GPR149: variants seen among roughly 807,000 people sequenced by gnomAD.
GPR149 encodes G protein-coupled receptor 149.
A neutral mutation model predicts 50.2 loss-of-function variants in GPR149; 50 were observed. That is an observed-to-expected ratio of 1.00 (90% CI 0.79 to 1.26). The LOEUF (loss-of-function observed/expected upper bound fraction) is 1.26, where lower values mean the gene tolerates loss of function less well. GPR149 is among the 50% of genes most tolerant of loss of function. GPR149 has a pLI of 0.00. For synonymous variants in GPR149, 405 were observed against 358.2 expected, an observed-to-expected ratio of 1.13 and a Z score of -1.48; for missense variants, 983 against 895.4, an observed-to-expected ratio of 1.10 and a Z score of -1.25.
chr3:154,355,436 A>T lies in GPR149; in HGVS notation c.1624-17165T>A, dbSNP rs192906398. Among the ~76,000 whole-genome samples the T allele has an allele frequency of 2.1e-4, 32 of 152,272 alleles. No individual in the cohort carries two copies. The East Asian group carries it at 6.0e-3, about 28-fold the overall frequency. On this transcript the variant is annotated intron_variant, in intron 3 of 3. Transcript: ENST00000389740. ...CACAGACTGCAATAAATCCTTAGGG[A>T]ATTTTGGATTTAAGTGTGTTGTTTC...
intron 2 of GPR149, among the ~76,000 whole-genome samples, chr3:154,422,750 A>G (rs372506453): frequency 1.1e-4 from 16 of 151,850 alleles, no homozygotes; most frequent in African/African-American, 3.6e-4. Flanking sequence ...AGAAGTAGAA[A>G]CAGATGTTCA....
chr3:154,371,419 C>A (rs1047449875), intron 3 of GPR149, among the ~76,000 whole-genome samples: 10 of 152,142 alleles, frequency 6.6e-5, no homozygotes, highest in African/African-American at 2.2e-4. Flanking sequence ...CCAATCTCGC[C>A]ACACGTGAGC....
chr3:154,427,609 A>T lies in GPR149; in HGVS notation c.1081T>A (p.Phe361Ile). The T allele has an allele frequency of 3.1e-6, 5 of 1,614,158 alleles. No individual in the cohort carries two copies. The highest frequency in any genetic ancestry group is 4.2e-6 in the Non-Finnish European group (5 of 1,180,022). ...TGGGTCCAGCGTTTGGACAAGACAA[A>T]CACTGGGGTTACAGTGGTGGCCAGC... ...TLLATTVTPV[F>I]VLSKRWTHLP... Residue 361 changes from phenylalanine (F) to isoleucine (I), a missense_variant, in exon 2 of 4, where the codon TTT (phenylalanine) becomes ATT (isoleucine). Coordinates refer to ENST00000389740, the MANE Select transcript of GPR149 (RefSeq NM_001038705.3).
At chr3:154,348,681 A>C (rs1414655027) in intron 3 of GPR149, among the ~76,000 whole-genome samples, 1 of 152,186 alleles carries the variant, frequency 6.6e-6, no homozygotes, top group Non-Finnish European at 1.5e-5. Context: ...CCTCTCTCGC[A>C]ACAATCCATA....
intron 3 of GPR149, among the ~76,000 whole-genome samples, chr3:154,420,633 C>T (rs1712115531): frequency 6.6e-6 from 1 of 151,676 alleles, no homozygotes; most frequent in Non-Finnish European, 1.5e-5. Context: ...TAAATATTTG[C>T]CTTTACATGA....
intron 3 of GPR149, among the ~76,000 whole-genome samples, chr3:154,390,123 G>A (rs1055867679): frequency 7.9e-5 from 12 of 152,158 alleles, no homozygotes; most frequent in African/African-American, 2.7e-4. Context: ...TCTGACTGGT[G>A]AGGATCCTCT....
intron 3 of GPR149, among the ~76,000 whole-genome samples, chr3:154,396,388 A>G (rs1363661949): frequency 6.6e-6 from 1 of 152,148 alleles, no homozygotes; most frequent in African/African-American, 2.4e-5. Context: ...TTGATTTATG[A>G]ATTTTAACTT....
chr3:154,405,036 CAATAT>C (rs1559986636), intron 3 of GPR149, among the ~76,000 whole-genome samples: 1 of 151,444 alleles, frequency 6.6e-6, no homozygotes, highest in African/African-American at 2.4e-5. Flanking sequence ...GAGTGTTAGC[CAATAT>C]AATCAGACAA....
At position 154,343,837 on chromosome 3, in the gene GPR149, C is replaced by T. The variant is rs1191023226; in HGVS notation, c.1624-5566G>A. On this transcript the variant is annotated intron_variant, in intron 3 of 3. Coordinates refer to ENST00000389740, the MANE Select transcript of GPR149 (RefSeq NM_001038705.3). ...AAAAAAATTCTTTAAATTAGGTGGG[C>T]ATGGTAGTGTGTGTTTCTGTAGTGC... Among the ~76,000 whole-genome samples, 3 of 151,736 alleles carry T rather than the reference C, an allele frequency of 2.0e-5. No homozygotes were observed. The East Asian group carries it at 5.8e-4, about 29-fold the overall frequency.
chr3:154,423,871 T>C (rs1712223566), intron 2 of GPR149, among the ~76,000 whole-genome samples: 1 of 151,760 alleles, frequency 6.6e-6, no homozygotes, highest in Admixed American at 6.6e-5. Flanking sequence ...TATTATACTT[T>C]AAGTTCTAGG....
intron 3 of GPR149, among the ~76,000 whole-genome samples, chr3:154,374,169 C>CTTTTTTTTTTT (rs3069044): frequency 1.5e-4 from 15 of 103,158 alleles, no homozygotes; most frequent in East Asian, 2.7e-4. Context: ...CTTTTCTTTT[C>CTTTTTTTTTTT]TTTTTTTTTT....
At chr3:154,372,115 G>T (rs1182625428) in intron 3 of GPR149, among the ~76,000 whole-genome samples, 1 of 140,282 alleles carries the variant, frequency 7.1e-6, no homozygotes, top group Non-Finnish European at 1.6e-5. Context: ...CCCAACAGCA[G>T]TTGGGGTGTC....
chr3:154,370,681 A>G (rs1714644477), intron 3 of GPR149, among the ~76,000 whole-genome samples: 1 of 151,946 alleles, frequency 6.6e-6, no homozygotes, highest in African/African-American at 2.4e-5. Context: ...GGTAAGGTTG[A>G]CTGTTGAGGT....
Position 154,337,555 on chromosome 3 carries a change from G to T in GPR149, c.*144C>A, listed in dbSNP as rs554838462. 39 of 620,270 alleles carry T rather than the reference G, an allele frequency of 6.3e-5. No homozygotes were observed. The African/African-American group carries it at 6.7e-4, about 11-fold the overall frequency. The allele number at this position is 620,270 out of a possible 1,614,324, so 38.4% of individuals were successfully genotyped here. On this transcript the variant is annotated 3_prime_UTR_variant, in exon 4 of 4. Transcript: ENST00000389740. ...CACTTAAGTGTTTACACTAGTTCCA[G>T]TTGTTCCCACAAAAAAATTAACTAT...
chr3:154,371,543 G>A (rs1714663194), intron 3 of GPR149, among the ~76,000 whole-genome samples: 1 of 152,046 alleles, frequency 6.6e-6, no homozygotes, highest in South Asian at 2.1e-4. Flanking sequence ...ATTAAATGAT[G>A]ACATGGAATG....
chr3:154,356,135 G>C (rs1714218371), intron 3 of GPR149, among the ~76,000 whole-genome samples: 1 of 152,204 alleles, frequency 6.6e-6, no homozygotes, highest in Non-Finnish European at 1.5e-5. Context: ...TTATGGTGAT[G>C]TTTGTACAAC....
rs367833891 is a variant in GPR149, at chr3:154,429,485, G to A, written c.131C>T (p.Thr44Ile). The stretch of plus-strand genomic sequence containing the variant: ...AATGCTGCCCACCAAGGCTGCAAAA[G>A]TCATGAGACATGTCAAGCAAAAAAG... ...IYLFCLTCLM[T>I]FAALVGSIYS... Residue 44 changes from threonine to isoleucine, a missense_variant, in exon 1 of 4, where the codon ACT becomes ATT. By Grantham distance (89) the Thr-to-Ile change is moderately conservative. Coordinates refer to ENST00000389740, the MANE Select transcript of GPR149 (RefSeq NM_001038705.3). 368 of 1,614,156 alleles carry A rather than the reference G, an allele frequency of 2.3e-4. 6 individuals carry two copies. In the South Asian group the frequency reaches 3.0e-3, roughly 13 times the overall value.
chr3:154,386,025 A>T (rs1715038528), intron 3 of GPR149, among the ~76,000 whole-genome samples: 1 of 152,202 alleles, frequency 6.6e-6, no homozygotes, highest in Admixed American at 6.5e-5. Flanking sequence ...GGTACAGGTA[A>T]GGGGAATGAC....
intron 3 of GPR149, among the ~76,000 whole-genome samples, chr3:154,372,334 T>G (rs1039796606): frequency 4.6e-5 from 7 of 152,178 alleles, no homozygotes; most frequent in African/African-American, 1.7e-4. Flanking sequence ...AGTGAAAATT[T>G]TGTTGTAAAC....
Sources: gnomAD v4.1 joint callset for allele counts (sites outside exome capture counted in the v4.1 genomes callset) on GRCh38, gnomAD v4.1.1 for gene constraint, MANE v1.5 for transcripts, NCBI Gene and HGNC (gene_info 2026-07-23, HGNC 2026-07-21) for gene names.